Variants in PARD3B observed in about 807,000 individuals in gnomAD.
PARD3B encodes partitioning defective 3 homolog B.
Under a neutral mutation model 130.2 loss-of-function variants are expected in PARD3B, and 103 were observed. The observed-to-expected ratio is 0.79, with a 90% CI of 0.67 to 0.93. The LOEUF (loss-of-function observed/expected upper bound fraction) is 0.93, where lower values mean the gene tolerates loss of function less well. Among genes scored for constraint, PARD3B ranks in the 40% least tolerant of loss-of-function variants. The pLI, the probability that PARD3B is intolerant of heterozygous loss-of-function variation, is 0.00. For missense variants in PARD3B, 1,609 were observed against 1,499.2 expected, an observed-to-expected ratio of 1.07 and a Z score of -1.21; for synonymous variants, 583 against 553.2, an observed-to-expected ratio of 1.05 and a Z score of -0.76.
chr2:205,143,710 C>T (rs1442489633), intron 10 of PARD3B, among the ~76,000 whole-genome samples: 1 of 152,140 alleles, frequency 6.6e-6, no homozygotes, highest in African/African-American at 2.4e-5. Context: ...GCCACCTGAA[C>T]AATCCCCTTC....
chr2:204,965,686 T>G (rs1411356992), intron 3 of PARD3B, among the ~76,000 whole-genome samples: 1 of 152,112 alleles, frequency 6.6e-6, no homozygotes, highest in Admixed American at 6.6e-5. Context: ...GAAATAAAGG[T>G]CACTTTATTT....
At chr2:205,261,440 A>G (rs2040306354) in intron 16 of PARD3B, among the ~76,000 whole-genome samples, 1 of 152,188 alleles carries the variant, frequency 6.6e-6, no homozygotes, top group Admixed American at 6.5e-5. Context: ...GAAGTCAAAT[A>G]AACCATTGTG....
chr2:205,614,793 G>A (rs1202712629), intron 22 of PARD3B, among the ~76,000 whole-genome samples: 1 of 151,882 alleles, frequency 6.6e-6, no homozygotes, highest in East Asian at 1.9e-4. Context: ...GGGAGGGGAG[G>A]GACATATGAA....
rs2040868587 is a variant in PARD3B, at chr2:205,274,614, T to C, written c.2186-25916T>C. ...TTACATTGATTTTTTTATAAATCAT[T>C]TCTACTTACTTTCTATCTGAATATT... On this transcript the variant is annotated intron_variant, in intron 16 of 22. Transcript: ENST00000406610. The surrounding 1 kb of genome is among the most constrained non-coding windows in gnomAD (Gnocchi z 4.2). Among the ~76,000 whole-genome samples the C allele has an allele frequency of 6.6e-6, 1 of 152,126 alleles. No individual in the cohort carries two copies. Among genetic ancestry groups the C allele is most frequent in the Non-Finnish European group, 1.5e-5 (1 of 67,998 alleles).
chr2:204,749,534 C>T (rs1303393544), intron 2 of PARD3B, among the ~76,000 whole-genome samples: 3 of 152,148 alleles, frequency 2.0e-5, no homozygotes, highest in African/African-American at 7.2e-5. Context: ...CAATTTGACT[C>T]ATATCTAATG....
At chr2:204,786,230 T>C (rs1160466301) in intron 2 of PARD3B, among the ~76,000 whole-genome samples, 1 of 151,824 alleles carries the variant, frequency 6.6e-6, no homozygotes, top group African/African-American at 2.4e-5. Flanking sequence ...TAGAAACTGG[T>C]AGATGGTATA....
chr2:205,539,511 C>A lies in PARD3B; in HGVS notation c.3181-13813C>A, dbSNP rs569115524. On this transcript the variant is annotated intron_variant, in intron 21 of 22. Coordinates refer to ENST00000406610, the MANE Select transcript of PARD3B (RefSeq NM_001302769.2). ...AAGGCCGTGGTCAGGGGCCCATCAG[C>A]ATCCAAGCTTCAAAGCCAGCCATTG... is the stretch of plus-strand genomic sequence containing the variant. Among the ~76,000 whole-genome samples the A allele has an allele frequency of 1.2e-4, 19 of 152,308 alleles. No individual in the cohort carries two copies. In the South Asian group the frequency reaches 3.9e-3, roughly 32 times the overall value.
intron 1 of PARD3B, among the ~76,000 whole-genome samples, chr2:204,597,917 CT>C (rs922093424): frequency 6.6e-6 from 1 of 152,116 alleles, no homozygotes; most frequent in Non-Finnish European, 1.5e-5. Context: ...ATCACTGTAC[CT>C]TTGTTTAGTC....
At chr2:205,559,282 C>G (rs1417041371) in intron 22 of PARD3B, among the ~76,000 whole-genome samples, 2 of 152,058 alleles carry the variant, frequency 1.3e-5, no homozygotes, top group Non-Finnish European at 2.9e-5. Flanking sequence ...GTAGCTGGGA[C>G]TACAGGCACG....
At chr2:205,398,392 A>G (rs2046111416) in intron 18 of PARD3B, among the ~76,000 whole-genome samples, 1 of 152,006 alleles carries the variant, frequency 6.6e-6, no homozygotes, top group African/African-American at 2.4e-5. Context: ...TTCTTCAGTG[A>G]AAAAAAAGGA....
Position 205,396,496 on chromosome 2 carries a change from T to C in PARD3B, c.2631-4517T>C, listed in dbSNP as rs75720329. 1.8e-3 allele frequency among the ~76,000 whole-genome samples: 279 copies of C among 152,334 alleles called. 5 individuals are homozygous for C. In the East Asian group the frequency reaches 0.046, roughly 25 times the overall value. ...ACCTCTATAGAAATGAACAGAGAAA[T>C]GGACAGGTGTTTTAAGCAAACTTAT... On this transcript the variant is annotated intron_variant, in intron 18 of 22. Coordinates refer to ENST00000406610, the MANE Select transcript of PARD3B (RefSeq NM_001302769.2).
chr2:204,772,247 A>G (rs750039843), intron 2 of PARD3B, among the ~76,000 whole-genome samples: 18 of 152,080 alleles, frequency 1.2e-4, no homozygotes, highest in Non-Finnish European at 2.5e-4. Flanking sequence ...AAGACGTAAC[A>G]TATGTTATTT....
At position 204,965,226 on chromosome 2, in the gene PARD3B, G is replaced by C. The variant is rs1691128691; in HGVS notation, c.297G>C (p.Gln99His). The C allele has an allele frequency of 6.2e-7, 1 of 1,613,818 alleles. No individual in the cohort carries two copies. The highest frequency in any genetic ancestry group is 8.5e-7 in the Non-Finnish European group (1 of 1,179,918). Residue 99 changes from glutamine to histidine, a missense_variant, in exon 3 of 23, where the codon CAG becomes CAC. By Grantham distance (24) the Gln-to-His change is conservative. Coordinates refer to ENST00000406610, the MANE Select transcript of PARD3B (RefSeq NM_001302769.2). The part of the protein sequence containing the change: ...ESPSGNPADR[Q>H]SPDAFETEVA... ...CCAGTGGAAACCCTGCAGATCGGCA[G>C]AGCCCAGATGCTTTTGAGACAGAAG... is the stretch of plus-strand genomic sequence containing the variant.
intron 3 of PARD3B, 57 bp downstream of exon 3, chr2:204,965,380 G>A: frequency 6.6e-7 from 1 of 1,511,298 alleles, no homozygotes; most frequent in South Asian, 1.2e-5. Context: ...TCATCTTGTT[G>A]ATTAGGCATT....
chr2:204,766,281 A>C (rs1391030326), intron 2 of PARD3B, among the ~76,000 whole-genome samples: 47 of 152,228 alleles, frequency 3.1e-4, no homozygotes. Flanking sequence ...TTATGTGTTT[A>C]AAATACATAT....
At chr2:205,565,244 A>T (rs1447344581) in intron 22 of PARD3B, among the ~76,000 whole-genome samples, 1 of 152,208 alleles carries the variant, frequency 6.6e-6, no homozygotes, top group African/African-American at 2.4e-5. Flanking sequence ...GAGGTTTAAG[A>T]TGGAAAATAA....
intron 1 of PARD3B, among the ~76,000 whole-genome samples, chr2:204,665,809 C>T (rs533142980): frequency 3.3e-5 from 5 of 152,268 alleles, no homozygotes; most frequent in South Asian, 4.1e-4. Flanking sequence ...CATCGATTAG[C>T]GTACTTCTTA....
chr2:204,687,441 C>G (rs1202891283), intron 2 of PARD3B, among the ~76,000 whole-genome samples: 2 of 152,074 alleles, frequency 1.3e-5, no homozygotes, highest in Non-Finnish European at 2.9e-5. Flanking sequence ...TTGTAAGCTC[C>G]TAGTGGACAT....
chr2:204,804,077 A>T (rs1171789787), intron 2 of PARD3B, among the ~76,000 whole-genome samples: 1 of 152,080 alleles, frequency 6.6e-6, no homozygotes, highest in Non-Finnish European at 1.5e-5. Flanking sequence ...CAAAAAAATA[A>T]ATTAGCCAGG....
Sources: allele counts gnomAD v4.1 joint callset (sites outside exome capture counted in the v4.1 genomes callset), GRCh38; gene constraint gnomAD v4.1.1; non-coding constraint Gnocchi (gnomAD v3.1); transcripts MANE v1.5; gene names NCBI Gene and HGNC (gene_info 2026-07-23, HGNC 2026-07-21).